ARMC3: variants seen among roughly 807,000 people sequenced by gnomAD.
ARMC3 encodes the protein armadillo repeat-containing protein 3.
Under a neutral mutation model 90.3 loss-of-function variants are expected in ARMC3, and 74 were observed. The observed-to-expected ratio is 0.82, with a 90% CI of 0.68 to 0.99. ARMC3 has a LOEUF of 0.99. ARMC3 is among the 50% of genes least tolerant of loss of function. The probability of loss-of-function intolerance (pLI) is 0.00; values close to 1 mark genes in which losing one functional copy is unlikely to be tolerated. For synonymous variants in ARMC3, 334 were observed against 361.8 expected (o/e 0.92, Z 0.87); for missense variants, 958 against 1,042.8 (o/e 0.92, Z 1.12).
At chr10:23,032,613 A>C (rs1172865904) in intron 17 of ARMC3, among the ~76,000 whole-genome samples, 2 of 152,146 alleles carry the variant, frequency 1.3e-5, no homozygotes, top group Non-Finnish European at 2.9e-5. Flanking sequence ...AAAAATCAGC[A>C]CTCATTTTCT....
chr10:23,037,344 G>A lies in ARMC3; in HGVS notation c.2484G>A (p.Met828Ile), dbSNP rs148054960. The change falls in exon 19 of 19, where the codon ATG becomes ATA. Residue 828 changes from methionine (M) to isoleucine (I), a missense_variant. Met to Ile is a conservative substitution (Grantham distance 10). Transcript: ENST00000298032. The stretch of plus-strand genomic sequence containing the variant: ...ACGGTAGAGCGTGGAATGAAGTCAT[G>A]CTGCAGAATGACTCTCGGAAGGGAG... ...GEYGRAWNEV[M>I]LQNDSRKGVI... The A allele has an allele frequency of 2.1e-3, 3,372 of 1,613,976 alleles. 6 individuals carry two copies. The highest frequency in any genetic ancestry group is 2.6e-3 in the Non-Finnish European group (3,117 of 1,179,892).
chr10:23,016,920 C>G (rs949894391), intron 16 of ARMC3, among the ~76,000 whole-genome samples: 14 of 152,188 alleles, frequency 9.2e-5, no homozygotes, highest in Non-Finnish European at 1.9e-4. Flanking sequence ...ATTGGACTGA[C>G]TGTTGGAACT....
intron 18 of ARMC3, among the ~76,000 whole-genome samples, 165 bp downstream of exon 18, chr10:23,033,188 C>T (rs973336541): frequency 6.6e-6 from 1 of 151,560 alleles, no homozygotes; most frequent in African/African-American, 2.4e-5. Flanking sequence ...CAAGCATACA[C>T]ATATATATAT....
intron 6 of ARMC3, chr10:22,960,568 A>G (rs1259676756): frequency 6.6e-6 from 1 of 152,120 alleles, no homozygotes; most frequent in African/African-American, 2.4e-5. Flanking sequence ...ATTTGATTAA[A>G]TATTCCTGTG....
intron 16 of ARMC3, among the ~76,000 whole-genome samples, chr10:23,025,304 G>T (rs569564602): frequency 6.6e-6 from 1 of 151,688 alleles, no homozygotes; most frequent in African/African-American, 2.4e-5. Flanking sequence ...CAGAATACAC[G>T]TTTCATTAAA....
rs184369857 is a variant in ARMC3 at position 22,956,518 on chromosome 10, G to A, written c.292+586G>A. Among the ~76,000 whole-genome samples, 3 of 151,820 alleles carry A rather than the reference G, an allele frequency of 2.0e-5. No homozygotes were observed. The East Asian group carries it at 5.8e-4, about 29-fold the overall frequency. ...CTTGGGAGGCTGAGGCAGGAGAATC[G>A]CTTGAACTCGGGAGGTGGAGGTTGC... On this transcript the variant is annotated intron_variant, in intron 4 of 18. Coordinates refer to ENST00000298032, the MANE Select transcript of ARMC3 (RefSeq NM_173081.5).
intron 3 of ARMC3, 21 bp from the exon 4 acceptor site, chr10:22,955,786 T>G (rs747465156): frequency 9.0e-5 from 145 of 1,612,898 alleles, no homozygotes; most frequent in Non-Finnish European, 1.2e-4. Context: ...ATGTGTGGTT[T>G]TGTTTTACGT....
intron 11 of ARMC3, among the ~76,000 whole-genome samples, chr10:23,000,962 C>T (rs1486941321): frequency 6.6e-6 from 1 of 151,924 alleles, no homozygotes; most frequent in Non-Finnish European, 1.5e-5. Context: ...CGAGTGATGT[C>T]TTTTAATAAT....
chr10:23,026,795 A>T (rs1838731715), intron 16 of ARMC3, among the ~76,000 whole-genome samples: 1 of 152,184 alleles, frequency 6.6e-6, no homozygotes. Flanking sequence ...CTCTACTAGC[A>T]CAGTTAAGAT....
At chr10:23,027,358 T>A (rs1838749750) in intron 16 of ARMC3, among the ~76,000 whole-genome samples, 1 of 152,204 alleles carries the variant, frequency 6.6e-6, no homozygotes, top group South Asian at 2.1e-4. Flanking sequence ...TTTTGCAAAG[T>A]TTATCTGTAA....
chr10:22,941,356 T>G (rs1328000165), intron 2 of ARMC3, among the ~76,000 whole-genome samples: 1 of 152,198 alleles, frequency 6.6e-6, no homozygotes, highest in African/African-American at 2.4e-5. Context: ...TGAAAATTAC[T>G]GCATTGTATT....
chr10:23,005,631 G>A (rs767372697), intron 13 of ARMC3, among the ~76,000 whole-genome samples: 3 of 152,276 alleles, frequency 2.0e-5, no homozygotes, highest in South Asian at 2.1e-4. Context: ...TTGGGAGGCC[G>A]AGGCGGGTGG....
chr10:22,964,444 T>C (rs940873267), intron 7 of ARMC3, among the ~76,000 whole-genome samples: 1 of 133,646 alleles, frequency 7.5e-6, no homozygotes, highest in African/African-American at 2.5e-5. Flanking sequence ...GTGTTAATTT[T>C]TTTTTTTTTT....
At chr10:22,997,835 A>AATG (rs551840382) in intron 10 of ARMC3, among the ~76,000 whole-genome samples, 2 of 152,158 alleles carry the variant, frequency 1.3e-5, no homozygotes, top group South Asian at 4.1e-4. Context: ...TAATAATAAT[A>AATG]ATGGTTGTAC....
intron 8 of ARMC3, among the ~76,000 whole-genome samples, chr10:22,969,630 G>A (rs1046954137): frequency 1.3e-5 from 2 of 152,134 alleles, no homozygotes; most frequent in Non-Finnish European, 2.9e-5. Context: ...CTTCATATTG[G>A]CAAAAGTTGG....
At chr10:22,986,583 CCAAAA>C (rs112786304) in intron 10 of ARMC3, among the ~76,000 whole-genome samples, 31,418 of 148,242 alleles carry the variant, frequency 0.21, 3,581 homozygotes, top group African/African-American at 0.27. Flanking sequence ...AAAAACAAAC[CCAAAA>C]CAAAACAAAA....
intron 3 of ARMC3, among the ~76,000 whole-genome samples, chr10:22,954,498 C>CA (rs1164775757): frequency 2.8e-5 from 4 of 144,400 alleles, no homozygotes; most frequent in Non-Finnish European, 6.0e-5. Context: ...CCCATCTCTA[C>CA]AAAAAAATTC....
At chr10:22,970,133 G>A (rs1268689292) in intron 8 of ARMC3, among the ~76,000 whole-genome samples, 1 of 152,142 alleles carries the variant, frequency 6.6e-6, no homozygotes, top group Non-Finnish European at 1.5e-5. Context: ...TGGAAACACA[G>A]GATCACCCAG....
At chr10:23,018,562 G>A (rs1588929523) in intron 16 of ARMC3, among the ~76,000 whole-genome samples, 1 of 129,202 alleles carries the variant, frequency 7.7e-6, no homozygotes, top group Non-Finnish European at 1.6e-5. Context: ...TGTCACCCAG[G>A]CTGGAGTCCT....
Sources: gnomAD v4.1 joint callset for allele counts (sites outside exome capture counted in the v4.1 genomes callset) on GRCh38, gnomAD v4.1.1 for gene constraint, MANE v1.5 for transcripts, NCBI Gene and HGNC (gene_info 2026-07-23, HGNC 2026-07-21) for gene names.